The following UBE3C variants were observed in gnomAD, a reference collection of about 807,000 sequenced individuals.
UBE3C encodes the protein ubiquitin-protein ligase E3C.
Under a neutral mutation model 129.4 loss-of-function variants are expected in UBE3C, and 42 were observed. The observed-to-expected ratio is 0.32, with a 90% CI of 0.25 to 0.42. UBE3C has a LOEUF of 0.42. Among genes scored for constraint, UBE3C ranks in the 10% least tolerant of loss-of-function variants. The probability of loss-of-function intolerance (pLI) is 1.00; values close to 1 mark genes in which losing one functional copy is unlikely to be tolerated. For synonymous variants in UBE3C, 510 were observed against 492.4 expected (o/e 1.04, Z -0.47); for missense variants, 1,049 against 1,319.1 (o/e 0.80, Z 3.17).
chr7:157,197,553 C>T (rs1264381339), intron 10 of UBE3C: 26 of 1,198,804 alleles, frequency 2.2e-5, no homozygotes, highest in East Asian at 1.9e-4. Flanking sequence ...CTTATTAATA[C>T]GACACATCAT....
intron 10 of UBE3C, among the ~76,000 whole-genome samples, chr7:157,196,255 G>A (rs1244271090): frequency 2.6e-5 from 4 of 152,208 alleles, no homozygotes; most frequent in Non-Finnish European, 4.4e-5. Context: ...AAAGCACCGC[G>A]AAACCCGTTT....
chr7:157,179,714 C>T (rs1808619186), intron 6 of UBE3C, among the ~76,000 whole-genome samples: 1 of 152,212 alleles, frequency 6.6e-6, no homozygotes, highest in Non-Finnish European at 1.5e-5. Context: ...CTGTGCTTTC[C>T]TTCACCTGAA....
At chr7:157,205,097 T>A (rs1039768513) in intron 11 of UBE3C, among the ~76,000 whole-genome samples, 2 of 152,178 alleles carry the variant, frequency 1.3e-5, no homozygotes, top group Non-Finnish European at 1.5e-5. Flanking sequence ...TGCACATAAG[T>A]CTTTGAGACT....
intron 18 of UBE3C, among the ~76,000 whole-genome samples, chr7:157,246,906 TGAGACGGA>T (rs1796490886): frequency 6.6e-6 from 1 of 152,326 alleles, no homozygotes; most frequent in African/African-American, 2.4e-5. Context: ...TCTCTTTTTT[TGAGACGGA>T]GTTTTTGCTC....
rs1750583302 is a variant in UBE3C at position 157,257,050 on chromosome 7, C to T, written c.3081+6C>T. 4 of 1,614,018 alleles carry T rather than the reference C, an allele frequency of 2.5e-6. No homozygotes were observed. Among genetic ancestry groups the T allele is most frequent in the Non-Finnish European group, 3.4e-6 (4 of 1,179,964 alleles). On this transcript the variant is annotated splice_donor_region_variant and intron_variant, in intron 22 of 22. Coordinates refer to ENST00000348165, the MANE Select transcript of UBE3C (RefSeq NM_014671.3). ...CCCCTCTCTTGGGGTTTAAGGTACA[C>T]AACTTTCATGACATTTGCTTTAAAG... is the stretch of plus-strand genomic sequence containing the variant.
At chr7:157,233,191 T>G (rs1796067963) in intron 18 of UBE3C, among the ~76,000 whole-genome samples, 1 of 152,212 alleles carries the variant, frequency 6.6e-6, no homozygotes, top group Non-Finnish European at 1.5e-5. Flanking sequence ...CTTCTTTGAT[T>G]TAGCATGTTT....
chr7:157,248,964 C>A (rs1345536169), intron 19 of UBE3C, among the ~76,000 whole-genome samples: 1 of 152,194 alleles, frequency 6.6e-6, no homozygotes. Context: ...GCTGCTCCAG[C>A]ACTGTCTAGG....
chr7:157,151,098 C>A (rs567183232), intron 1 of UBE3C, among the ~76,000 whole-genome samples: 1 of 152,324 alleles, frequency 6.6e-6, no homozygotes, highest in South Asian at 2.1e-4. Flanking sequence ...ATTTGTCCAG[C>A]CCACTCTCGG....
intron 22 of UBE3C, among the ~76,000 whole-genome samples, chr7:157,261,478 A>G (rs1175743309): frequency 8.7e-6 from 1 of 115,474 alleles, no homozygotes; most frequent in African/African-American, 3.8e-5. Flanking sequence ...GTTCTAACAT[A>G]TGTGAAATTT....
In UBE3C at chr7:157,259,652, A is replaced by T. The variant is rs146505928; in HGVS notation, c.3081+2608A>T. Among the ~76,000 whole-genome samples the T allele has an allele frequency of 3.5e-3, 529 of 152,276 alleles. 2 individuals carry two copies. Among genetic ancestry groups the T allele is most frequent in the African/African-American group, 0.012 (493 of 41,558 alleles). ...ACTACGTATTATTATATGTAATTCC[A>T]CTCGGATAAACTGTCCTTTGAAAGG... On this transcript the variant is annotated intron_variant, in intron 22 of 22. Coordinates refer to ENST00000348165, the MANE Select transcript of UBE3C (RefSeq NM_014671.3).
chr7:157,163,123 C>T (rs569215954), intron 1 of UBE3C, among the ~76,000 whole-genome samples: 25 of 152,008 alleles, frequency 1.6e-4, no homozygotes, highest in African/African-American at 5.1e-4. Context: ...CGGTGGTTCA[C>T]GCCTGTAATC....
At chr7:157,168,535 A>G (rs1808279417) in intron 2 of UBE3C, among the ~76,000 whole-genome samples, 1 of 152,236 alleles carries the variant, frequency 6.6e-6, no homozygotes, top group East Asian at 1.9e-4. Flanking sequence ...AAGTGGGAGC[A>G]GCCCAGATGT....
chr7:157,182,128 T>G lies in UBE3C; in HGVS notation c.791T>G (p.Phe264Cys). Residue 264 changes from phenylalanine to cysteine, a missense_variant, in exon 8 of 23, where the codon TTC (phenylalanine) becomes TGC (cysteine). Physicochemically the swap from Phe to Cys is radical, Grantham distance 205 (BLOSUM62 -2). Transcript: ENST00000348165. ...EGARQQVFTA[F>C]TEEFLAAPFT... ...TTCAGGCAACAAGTTTTTACAGCCTTCACAGAGGAGTTTCTGGCAGCACCT... is the reference window on the plus strand; with the variant it reads ...TTCAGGCAACAAGTTTTTACAGCCTGCACAGAGGAGTTTCTGGCAGCACCT... 1 of 1,588,662 alleles carries G rather than the reference T, an allele frequency of 6.3e-7. No individual in the cohort carries two copies. The highest frequency in any genetic ancestry group is 1.2e-5 in the South Asian group (1 of 85,586).
intron 18 of UBE3C, among the ~76,000 whole-genome samples, chr7:157,243,958 G>A (rs1440077973): frequency 2.0e-5 from 3 of 152,118 alleles, no homozygotes; most frequent in Admixed American, 6.6e-5. Flanking sequence ...GTTGCCAGGC[G>A]CGGTGGCTCA....
At position 157,200,022 on chromosome 7, in the gene UBE3C, C is replaced by CA. The variant is rs879704531; in HGVS notation, c.1332-1699_1332-1698insA. Among the ~76,000 whole-genome samples, 299 of 152,248 alleles carry CA rather than the reference C, an allele frequency of 2.0e-3. 1 individual carries two copies. Among genetic ancestry groups the CA allele is most frequent in the African/African-American group, 6.6e-3 (276 of 41,542 alleles). On this transcript the variant is annotated intron_variant, in intron 10 of 22. Coordinates refer to ENST00000348165, the MANE Select transcript of UBE3C (RefSeq NM_014671.3). ...GCCCCCACTTTGTCATGGCGTGTGA[C>CA]TGATAAACATCATGCATGTTTTCAT...
At chr7:157,180,311 A>T (rs1349622206) in intron 6 of UBE3C, among the ~76,000 whole-genome samples, 2 of 152,236 alleles carry the variant, frequency 1.3e-5, no homozygotes, top group Non-Finnish European at 2.9e-5. Flanking sequence ...TAGTTATGTT[A>T]GTCACTTTTT....
intron 5 of UBE3C, 76 bp from the exon 6 acceptor site, chr7:157,178,614 C>A: frequency 6.8e-7 from 1 of 1,474,972 alleles, no homozygotes; most frequent in South Asian, 1.3e-5. Flanking sequence ...TAACCATTGT[C>A]ACTGAGAGTA....
intron 18 of UBE3C, among the ~76,000 whole-genome samples, chr7:157,247,415 G>C (rs1796507332): frequency 6.6e-6 from 1 of 152,152 alleles, no homozygotes; most frequent in African/African-American, 2.4e-5. Flanking sequence ...CTTTTGGCCG[G>C]GCAGGATGGC....
chr7:157,248,627 G>A (rs775570038), intron 19 of UBE3C, 47 bp downstream of exon 19: 6 of 1,583,450 alleles, frequency 3.8e-6, no homozygotes, highest in Admixed American at 3.4e-5. Flanking sequence ...GCAAGTAGCA[G>A]CATCTCCTTG....
Sources: allele counts gnomAD v4.1 joint callset (sites outside exome capture counted in the v4.1 genomes callset), GRCh38; gene constraint gnomAD v4.1.1; transcripts MANE v1.5; gene names NCBI Gene and HGNC (gene_info 2026-07-23, HGNC 2026-07-21).